The following CADPS2 variants were observed in gnomAD, a reference collection of about 807,000 sequenced individuals.
CADPS2 encodes the protein calcium-dependent secretion activator 2.
CADPS2 carries 93 observed loss-of-function variants against 172.5 expected under a neutral mutation model. The ratio of observed to expected loss-of-function variants is 0.54; its 90% CI spans 0.46 to 0.64. The LOEUF (loss-of-function observed/expected upper bound fraction) is 0.64. CADPS2 is among the 30% of genes least tolerant of loss of function. The pLI, the probability that CADPS2 is intolerant of heterozygous loss-of-function variation, is 0.00. For missense variants in CADPS2, 1,420 were observed against 1,565.9 expected (o/e 0.91, Z 1.57); for synonymous variants, 546 against 555.2 (o/e 0.98, Z 0.23).
At chr7:122,564,250 G>C (rs1476101435) in intron 7 of CADPS2, among the ~76,000 whole-genome samples, 1 of 152,052 alleles carries the variant, frequency 6.6e-6, no homozygotes, top group African/African-American at 2.4e-5. Context: ...TATACTGTTG[G>C]TGGGAATGTA....
chr7:122,655,716 A>T (rs568383312), intron 3 of CADPS2, among the ~76,000 whole-genome samples: 1 of 152,198 alleles, frequency 6.6e-6, no homozygotes, highest in South Asian at 2.1e-4. Flanking sequence ...AGGAAAAAAA[A>T]AGTGTCTTGG....
intron 3 of CADPS2, among the ~76,000 whole-genome samples, chr7:122,630,490 C>G (rs1209913529): frequency 6.6e-6 from 1 of 151,902 alleles, no homozygotes; most frequent in African/African-American, 2.4e-5. Flanking sequence ...CCAGAAGAGG[C>G]AGGGTGAGGG....
intron 1 of CADPS2, among the ~76,000 whole-genome samples, chr7:122,789,361 C>T (rs1435333774): frequency 6.6e-6 from 1 of 152,136 alleles, no homozygotes; most frequent in African/African-American, 2.4e-5. Flanking sequence ...TTAACTGGTT[C>T]GTTTACCACA....
At chr7:122,443,424 G>T (rs1351647512) in intron 15 of CADPS2, among the ~76,000 whole-genome samples, 1 of 152,070 alleles carries the variant, frequency 6.6e-6, no homozygotes, top group Non-Finnish European at 1.5e-5. Flanking sequence ...AAGCAAAGTG[G>T]AAAACATTCA....
intron 25 of CADPS2, among the ~76,000 whole-genome samples, chr7:122,365,578 T>C (rs1026900811): frequency 1.3e-5 from 2 of 152,200 alleles, no homozygotes; most frequent in Admixed American, 1.3e-4. Flanking sequence ...GTGAACTTTC[T>C]CTGTACAGCT....
intron 1 of CADPS2, among the ~76,000 whole-genome samples, chr7:122,791,138 A>C (rs1350595141): frequency 6.6e-6 from 1 of 152,198 alleles, no homozygotes; most frequent in Admixed American, 6.5e-5. Context: ...CGGCGCGAGG[A>C]AAAGTACAAT....
chr7:122,359,564 A>T, intron 27 of CADPS2, among the ~76,000 whole-genome samples: 1 of 152,248 alleles, frequency 6.6e-6, no homozygotes, highest in African/African-American at 2.4e-5. Flanking sequence ...TCAAACAAAA[A>T]CTATGTGTGT....
chr7:122,704,886 G>A (rs947133659), intron 2 of CADPS2, among the ~76,000 whole-genome samples: 5 of 151,884 alleles, frequency 3.3e-5, no homozygotes, highest in African/African-American at 4.8e-5. Context: ...ACACACCAGC[G>A]TTGCCACTAA....
At chr7:122,768,115 A>C (rs2093609219) in intron 1 of CADPS2, among the ~76,000 whole-genome samples, 1 of 152,300 alleles carries the variant, frequency 6.6e-6, no homozygotes, top group Admixed American at 6.5e-5. Context: ...TCTCCTTAAT[A>C]AAGTGAGGTT....
chr7:122,705,837 A>C lies in CADPS2; in HGVS notation c.453+31118T>G, dbSNP rs1216541073. Among the ~76,000 whole-genome samples the C allele has an allele frequency of 2.4e-4, 4 of 16,912 alleles. 1 individual carries two copies. The highest frequency in any genetic ancestry group is 1.2e-4 in the Non-Finnish European group (1 of 8,248). The allele number at this position is 16,912 out of a possible 152,430, so 11.1% of individuals were successfully genotyped here. On this transcript the variant is annotated intron_variant, in intron 2 of 29. Transcript: ENST00000449022. Reference sequence around the variant, plus strand: ...TATATAATAATATATATTTATATATAATATATATTATATAACATATTATAC... The same window carrying C: ...TATATAATAATATATATTTATATATCATATATATTATATAACATATTATAC...
chr7:122,488,299 C>T (rs1396021503), intron 11 of CADPS2, among the ~76,000 whole-genome samples: 2 of 152,120 alleles, frequency 1.3e-5, no homozygotes, highest in South Asian at 2.1e-4. Context: ...TACTTTGATG[C>T]CCAATGCAGG....
chr7:122,387,198 A>C, intron 23 of CADPS2, 25 bp from the exon 24 acceptor site: 1 of 1,561,146 alleles, frequency 6.4e-7, no homozygotes, highest in Admixed American at 1.9e-5. Context: ...ATGAATTCAG[A>C]GTAAGAAATT....
intron 1 of CADPS2, among the ~76,000 whole-genome samples, chr7:122,821,564 A>C (rs1477501552): frequency 2.0e-5 from 3 of 152,108 alleles, no homozygotes; most frequent in Non-Finnish European, 4.4e-5. Flanking sequence ...GGCCTTTCCT[A>C]CAGGGTCTGA....
chr7:122,470,456 A>T (rs1240217898), intron 14 of CADPS2, among the ~76,000 whole-genome samples: 1 of 151,960 alleles, frequency 6.6e-6, no homozygotes, highest in Non-Finnish European at 1.5e-5. Context: ...CAAGATTAAG[A>T]GAAGGGGAGT....
At chr7:122,527,617 A>AGAGTGTGTGTGTGT in intron 8 of CADPS2, among the ~76,000 whole-genome samples, 3 of 83,806 alleles carry the variant, frequency 3.6e-5, no homozygotes, top group Non-Finnish European at 7.8e-5. Context: ...AGAGAGAGAG[A>AGAGTGTGTGTGTGT]GTGTGTGTGT....
intron 2 of CADPS2, among the ~76,000 whole-genome samples, chr7:122,675,609 A>G (rs577662386): frequency 6.6e-6 from 1 of 152,322 alleles, no homozygotes; most frequent in East Asian, 1.9e-4. Context: ...AAAATGTGGC[A>G]CATATACACC....
chr7:122,836,843 C>T (rs995576356), intron 1 of CADPS2, among the ~76,000 whole-genome samples: 3 of 151,982 alleles, frequency 2.0e-5, no homozygotes, highest in Non-Finnish European at 4.4e-5. Context: ...ACTTTAACAC[C>T]CCACTGTCAA....
intron 8 of CADPS2, among the ~76,000 whole-genome samples, chr7:122,541,755 TCATATATTTATATATTCA>T (rs1445940000): frequency 2.1e-5 from 3 of 145,652 alleles, no homozygotes; most frequent in Non-Finnish European, 4.5e-5. Flanking sequence ...TTACATATAT[TCATATATTTATATATTCA>T]CATATATTCA....
chr7:122,327,212 C>A (rs993716091), intron 28 of CADPS2, among the ~76,000 whole-genome samples: 11 of 151,902 alleles, frequency 7.2e-5, no homozygotes, highest in Non-Finnish European at 1.5e-4. Flanking sequence ...CTTTAATTTC[C>A]GACACTAAAT....
Sources: gnomAD v4.1 joint callset for allele counts (sites outside exome capture counted in the v4.1 genomes callset) on GRCh38, gnomAD v4.1.1 for gene constraint, MANE v1.5 for transcripts, NCBI Gene and HGNC (gene_info 2026-07-23, HGNC 2026-07-21) for gene names.